Variants in EIF3L observed in about 807,000 individuals in gnomAD.
EIF3L encodes the protein eIEF associated protein HSPC021.
Under a neutral mutation model 74.6 loss-of-function variants are expected in EIF3L, and 32 were observed. The observed-to-expected ratio is 0.43, with a 90% CI of 0.32 to 0.58. The LOEUF (loss-of-function observed/expected upper bound fraction) is 0.58. EIF3L is among the 20% of genes least tolerant of loss of function. The pLI, the probability that EIF3L is intolerant of heterozygous loss-of-function variation, is 0.06. For missense variants in EIF3L, 474 were observed against 707.8 expected (o/e 0.67, Z 3.75); for synonymous variants, 256 against 254.4 (o/e 1.01, Z -0.06).
At chr22:37,877,637 T>A (rs1926821944) in intron 10 of EIF3L, 37 bp from the exon 11 acceptor site, 1 of 1,544,716 alleles carries the variant, frequency 6.5e-7, no homozygotes. Flanking sequence ...GAAGTCCGTC[T>A]CATTTGACCC....
At chr22:37,851,982 T>G (rs1925250409) in intron 3 of EIF3L, among the ~76,000 whole-genome samples, 2 of 152,148 alleles carry the variant, frequency 1.3e-5, no homozygotes, top group Non-Finnish European at 2.9e-5. Context: ...TTTTGTATTT[T>G]TAGTAGAGAC....
chr22:37,849,610 A>G, intron 1 of EIF3L, 128 bp downstream of exon 1: 1 of 1,074,526 alleles, frequency 9.3e-7, no homozygotes, highest in Non-Finnish European at 1.4e-6. Context: ...CCCGGCCCTC[A>G]GGCTGCTCCC....
At chr22:37,860,713 C>T (rs1352526664) in intron 5 of EIF3L, among the ~76,000 whole-genome samples, 1 of 152,244 alleles carries the variant, frequency 6.6e-6, no homozygotes, top group Non-Finnish European at 1.5e-5. Flanking sequence ...CACTGCCACA[C>T]TGCTGCTCAC....
At chr22:37,884,278 G>A (rs1450325716) in intron 11 of EIF3L, 1 of 152,162 alleles carries the variant, frequency 6.6e-6, no homozygotes, top group Non-Finnish European at 1.5e-5. Flanking sequence ...TTAATGTACT[G>A]CATTTTGTTT....
Position 37,849,482 on chromosome 22 carries a change from G to A in EIF3L, c.33G>A (p.Glu11=). Residue 11 remains glutamate, a splice_region_variant and synonymous_variant, in exon 1 of 13, where the codon GAG becomes GAA. Coordinates refer to ENST00000652021, the MANE Select transcript of EIF3L (RefSeq NM_016091.4). The stretch of plus-strand genomic sequence containing the variant: ...ATCCCGCTGATGATTATGAGTCTGA[G>A]GTAAGGTGGCCGTAAGGGCGCGGTG... MSYPADDYES[E]AAYDPYAYPS... The A allele has an allele frequency of 1.3e-6, 2 of 1,598,652 alleles. No homozygotes were observed. The highest frequency in any genetic ancestry group is 1.7e-6 in the Non-Finnish European group (2 of 1,169,442).
rs1925459550 is a variant in EIF3L at position 37,855,611 on chromosome 22, G to A, written c.340G>A (p.Glu114Lys). Residue 114 changes from glutamate to lysine, a missense_variant, in exon 4 of 13, where the codon GAG becomes AAG. Around this residue, in one of 4 missense-constraint regions of EIF3L, gnomAD observed 141 missense variants for 197.7 expected, o/e 0.71. Coordinates refer to ENST00000652021, the MANE Select transcript of EIF3L (RefSeq NM_016091.4). ...ATTCTTCAAGAATACACCTTGGCCC[G>A]AGGCTGAAGCCATTGCTCCACAGGT... The part of the protein sequence containing the change: ...ERFFKNTPWP[E>K]AEAIAPQVGN... 2.5e-6 allele frequency: 4 copies of A among 1,613,970 alleles called. No homozygotes were observed. The highest frequency in any genetic ancestry group is 3.4e-6 in the Non-Finnish European group (4 of 1,179,998).
chr22:37,887,359 C>G (rs1927378909), intron 12 of EIF3L: 1 of 151,518 alleles, frequency 6.6e-6, no homozygotes, highest in Admixed American at 6.6e-5. Flanking sequence ...CCTGTAATCC[C>G]AGCACTTTGG....
chr22:37,867,816 A>G (rs58474069), intron 7 of EIF3L, among the ~76,000 whole-genome samples: 10,833 of 151,414 alleles, frequency 0.072, 1,291 homozygotes, highest in African/African-American at 0.25. Flanking sequence ...TTTGCCAGGC[A>G]TGGTGGTGGG....
chr22:37,857,781 G>A (rs867489959), intron 4 of EIF3L, among the ~76,000 whole-genome samples: 7 of 151,990 alleles, frequency 4.6e-5, no homozygotes, highest in African/African-American at 1.5e-4. Flanking sequence ...TGATCCACCC[G>A]CCTCAGCCTC....
At chr22:37,857,328 C>T (rs982604462) in intron 4 of EIF3L, among the ~76,000 whole-genome samples, 6 of 143,000 alleles carry the variant, frequency 4.2e-5, no homozygotes, top group African/African-American at 1.3e-4. Context: ...TGAGATTGCG[C>T]CACTGGACTC....
chr22:37,861,452 A>G (rs1261732057), intron 5 of EIF3L, among the ~76,000 whole-genome samples: 1 of 152,150 alleles, frequency 6.6e-6, no homozygotes, highest in Non-Finnish European at 1.5e-5. Context: ...TTGAGAGGCT[A>G]AGGCGGGTGG....
At chr22:37,851,994 G>A (rs1423558520) in intron 3 of EIF3L, among the ~76,000 whole-genome samples, 1 of 151,912 alleles carries the variant, frequency 6.6e-6, no homozygotes. Flanking sequence ...AGTAGAGACG[G>A]GGTTTCATCA....
intron 11 of EIF3L, chr22:37,886,168 T>G (rs1927308252): frequency 7.1e-6 from 1 of 141,296 alleles, no homozygotes; most frequent in Non-Finnish European, 1.5e-5. Flanking sequence ...CACTCCAGCC[T>G]GAGTGACAGA....
intron 10 of EIF3L, 121 bp from the exon 11 acceptor site, chr22:37,877,553 C>A: frequency 1.6e-6 from 2 of 1,222,754 alleles, no homozygotes; most frequent in South Asian, 1.5e-5. Flanking sequence ...AGTTCAATGG[C>A]TGGTATGAAA....
rs762050118 is a variant in EIF3L, at chr22:37,874,363, C to T, written c.752-7C>T. ...CTATCAGTATTCACGGTGTCTGTCTCTTTCAGGTGACCCTGAGAGTGTGGC... is the reference window on the plus strand; with the variant it reads ...CTATCAGTATTCACGGTGTCTGTCTTTTTCAGGTGACCCTGAGAGTGTGGC... On this transcript the variant is annotated splice_region_variant and splice_polypyrimidine_tract_variant and intron_variant, in intron 8 of 12. Transcript: ENST00000652021. 2 of 1,613,406 alleles carry T rather than the reference C, an allele frequency of 1.2e-6. No individual in the cohort carries two copies. The highest frequency in any genetic ancestry group is 1.7e-5 in the Admixed American group (1 of 59,938).
chr22:37,860,932 T>A, intron 5 of EIF3L, among the ~76,000 whole-genome samples: 1 of 152,178 alleles, frequency 6.6e-6, no homozygotes, highest in Non-Finnish European at 1.5e-5. Context: ...TCTCACTCAT[T>A]TCCTGAAACT....
intron 11 of EIF3L, chr22:37,879,908 T>A (rs557804475): frequency 6.6e-6 from 1 of 151,300 alleles, no homozygotes; most frequent in African/African-American, 2.4e-5. Context: ...CATGCGATTC[T>A]CTTGCCTCAG....
chr22:37,874,569 C>CT (rs1353040354), intron 9 of EIF3L, 45 bp downstream of exon 9: 2 of 1,593,756 alleles, frequency 1.3e-6, no homozygotes, highest in Admixed American at 1.7e-5. Flanking sequence ...GCCAGAATAT[C>CT]TATTTCTAGA....
intron 8 of EIF3L, among the ~76,000 whole-genome samples, chr22:37,870,611 G>C (rs1351414772): frequency 6.6e-6 from 1 of 152,164 alleles, no homozygotes; most frequent in Admixed American, 6.6e-5. Flanking sequence ...CAGTGCTTTT[G>C]TTTAGATAAG....
Sources: gnomAD v4.1 joint callset for allele counts (sites outside exome capture counted in the v4.1 genomes callset) on GRCh38, gnomAD v4.1.1 for gene constraint, gnomAD v4.1.1 regional missense constraint, MANE v1.5 for transcripts, NCBI Gene and HGNC (gene_info 2026-07-23, HGNC 2026-07-21) for gene names.